The following HDHD2 variants were observed in gnomAD, a reference collection of about 807,000 sequenced individuals.
HDHD2 encodes haloacid dehalogenase like hydrolase domain containing 2.
Under a neutral mutation model 24.8 loss-of-function variants are expected in HDHD2, and 26 were observed. The observed-to-expected ratio is 1.05, with a 90% CI of 0.77 to 1.45. HDHD2 has a LOEUF of 1.45. Ranked by LOEUF, HDHD2 falls within the 40% of genes most tolerant of loss-of-function variation. The pLI, the probability that HDHD2 is intolerant of heterozygous loss-of-function variation, is 0.00. For synonymous variants in HDHD2, 128 were observed against 114.9 expected, an observed-to-expected ratio of 1.11 and a Z score of -0.73; for missense variants, 299 against 313.4, an observed-to-expected ratio of 0.95 and a Z score of 0.35.
chr18:47,146,693 A>G (rs2063874187), intron 1 of HDHD2, among the ~76,000 whole-genome samples: 1 of 152,236 alleles, frequency 6.6e-6, no homozygotes, highest in Admixed American at 6.5e-5. Context: ...ATCACCTTAC[A>G]CAACTCTCGG....
intron 4 of HDHD2, among the ~76,000 whole-genome samples, chr18:47,128,602 A>G (rs2063682643): frequency 2.0e-5 from 3 of 152,366 alleles, no homozygotes; most frequent in South Asian, 2.1e-4. Flanking sequence ...GTGGATGTCC[A>G]GGAAATAATT....
At chr18:47,136,830 A>G (rs1028187893) in intron 1 of HDHD2, among the ~76,000 whole-genome samples, 1 of 152,234 alleles carries the variant, frequency 6.6e-6, no homozygotes, top group Non-Finnish European at 1.5e-5. Flanking sequence ...AATCATTAGC[A>G]GAGTCTTCTT....
Position 47,146,648 on chromosome 18 carries a change from A to G in HDHD2, c.-11+3730T>C, listed in dbSNP as rs553218908. On this transcript the variant is annotated intron_variant, in intron 1 of 6. Coordinates refer to ENST00000300605, the MANE Select transcript of HDHD2 (RefSeq NM_032124.5). ...AGTTGTGGTATATTTACACACAGAA[A>G]AAAATGGCAGTAGAAAGAACTTACA... 3.3e-5 allele frequency among the ~76,000 whole-genome samples: 5 copies of G among 152,388 alleles called. No homozygotes were observed. In the South Asian group the frequency reaches 8.3e-4, roughly 25 times the overall value.
At chr18:47,148,109 G>A (rs1020568230) in intron 1 of HDHD2, among the ~76,000 whole-genome samples, 3 of 149,556 alleles carry the variant, frequency 2.0e-5, no homozygotes, top group Admixed American at 6.7e-5. Context: ...TCCCACCTCC[G>A]CCTCCCAAGT....
chr18:47,136,187 T>C (rs2063764131), intron 2 of HDHD2, 152 bp downstream of exon 2: 4 of 830,820 alleles, frequency 4.8e-6, no homozygotes, highest in Non-Finnish European at 7.1e-6. Context: ...GAAATTGTAA[T>C]GCATACATCT....
chr18:47,117,710 G>A (rs1002316764), intron 4 of HDHD2, among the ~76,000 whole-genome samples: 3 of 152,140 alleles, frequency 2.0e-5, no homozygotes, highest in Non-Finnish European at 4.4e-5. Context: ...AGGCACAGTG[G>A]CTCATGCCTG....
chr18:47,113,647 T>C lies in HDHD2; in HGVS notation c.613-607A>G, dbSNP rs141839566. 9.2e-5 allele frequency among the ~76,000 whole-genome samples: 14 copies of C among 152,274 alleles called. No homozygotes were observed. The East Asian group carries it at 2.3e-3, about 25-fold the overall frequency. On this transcript the variant is annotated intron_variant, in intron 5 of 6. Transcript: ENST00000300605. Reference sequence around the variant, plus strand: ...AATATACATCATCAATGATGATGAATGCAAGGTAATTAAAATTCCAAGGAC... The same window carrying C: ...AATATACATCATCAATGATGATGAACGCAAGGTAATTAAAATTCCAAGGAC...
chr18:47,134,132 G>A (rs1030173285), intron 3 of HDHD2, among the ~76,000 whole-genome samples: 2 of 152,182 alleles, frequency 1.3e-5, no homozygotes, highest in East Asian at 1.9e-4. Flanking sequence ...TTCAAACCAC[G>A]GGTCGTGATC....
rs1247970315 is a variant in HDHD2 at position 47,130,339 on chromosome 18, A to G, written c.311-11T>C. 1 of 1,339,592 alleles carries G rather than the reference A, an allele frequency of 7.5e-7. No homozygotes were observed. Among genetic ancestry groups the G allele is most frequent in the Admixed American group, 2.2e-5 (1 of 44,970 alleles). 83.0% of individuals were successfully genotyped at this position (1,339,592 alleles called of 1,614,324 possible). A position where few individuals can be genotyped will look rare whatever the true frequency, so the allele number is the denominator to read the frequency against. ...CACTTGTTTGTATTCCTGGGAACGG[A>G]AAAAAAAAATGATTGTTGCAAATGC... On this transcript the variant is annotated splice_polypyrimidine_tract_variant and intron_variant, in intron 3 of 6. Transcript: ENST00000300605.
chr18:47,147,633 C>T (rs1367373441), intron 1 of HDHD2, among the ~76,000 whole-genome samples: 1 of 152,118 alleles, frequency 6.6e-6, no homozygotes, highest in Non-Finnish European at 1.5e-5. Flanking sequence ...CAAATATGAA[C>T]AAGACCAGAA....
intron 4 of HDHD2, among the ~76,000 whole-genome samples, chr18:47,119,140 GATGTTGATGGC>G (rs1043682588): frequency 6.6e-6 from 1 of 152,196 alleles, no homozygotes; most frequent in Non-Finnish European, 1.5e-5. Context: ...GCCTTGCCTC[GATGTTGATGGC>G]TGCTGACGGA....
intron 1 of HDHD2, among the ~76,000 whole-genome samples, chr18:47,136,651 TA>T (rs145855456): frequency 5.3e-4 from 79 of 149,048 alleles, no homozygotes; most frequent in Admixed American, 1.5e-3. Context: ...GGTTTTTTTT[TA>T]AAAAAAAAAA....
intron 1 of HDHD2, chr18:47,137,421 T>C: frequency 3.8e-6 from 1 of 264,504 alleles, no homozygotes. Flanking sequence ...CTCTATTCTT[T>C]CCTTTCCTCT....
At chr18:47,136,160 G>C (rs1568057750) in intron 2 of HDHD2, 179 bp downstream of exon 2, 4 of 692,904 alleles carry the variant, frequency 5.8e-6, no homozygotes, top group Non-Finnish European at 9.0e-6. Context: ...TAAAGGCTTA[G>C]AAAACAATGT....
intron 3 of HDHD2, among the ~76,000 whole-genome samples, chr18:47,133,303 T>C (rs2063731364): frequency 6.6e-6 from 1 of 152,106 alleles, no homozygotes; most frequent in Non-Finnish European, 1.5e-5. Flanking sequence ...GCTTCATCCA[T>C]GTCCCTACAA....
At chr18:47,109,575 A>T (rs1434704843) in intron 6 of HDHD2, 1 of 152,310 alleles carries the variant, frequency 6.6e-6, no homozygotes, top group Admixed American at 6.5e-5. Flanking sequence ...ATGCAGCCCC[A>T]GTGACCCTCT....
chr18:47,110,571 G>C (rs996846654), intron 6 of HDHD2: 1 of 985,332 alleles, frequency 1.0e-6, no homozygotes, highest in Non-Finnish European at 1.2e-6. Flanking sequence ...GGCTCTGCAA[G>C]TGGGGTTTCT....
chr18:47,113,945 G>C (rs1018855508), intron 5 of HDHD2, among the ~76,000 whole-genome samples: 2 of 152,074 alleles, frequency 1.3e-5, no homozygotes, highest in East Asian at 1.9e-4. Context: ...TGAGACGGTG[G>C]GGGGCAGGGA....
intron 1 of HDHD2, among the ~76,000 whole-genome samples, chr18:47,141,660 A>T (rs970482092): frequency 6.6e-6 from 1 of 152,118 alleles, no homozygotes; most frequent in Non-Finnish European, 1.5e-5. Flanking sequence ...TTTGTTGCTA[A>T]AATTGTTTTA....
Sources: allele counts gnomAD v4.1 joint callset (sites outside exome capture counted in the v4.1 genomes callset), GRCh38; gene constraint gnomAD v4.1.1; transcripts MANE v1.5; gene names NCBI Gene and HGNC (gene_info 2026-07-23, HGNC 2026-07-21).